The following SLC35F4 variants were observed in gnomAD, a reference collection of about 807,000 sequenced individuals.
SLC35F4 encodes the protein solute carrier family 35 member F4.
Under a neutral mutation model 44.2 loss-of-function variants are expected in SLC35F4, and 24 were observed. The ratio of observed to expected loss-of-function variants is 0.54; its 90% confidence interval spans 0.39 to 0.76. SLC35F4 has a LOEUF of 0.76. Ranked by LOEUF, SLC35F4 falls within the 30% of genes least tolerant of loss-of-function variation. The pLI is 0.00. For missense variants in SLC35F4, 562 were observed against 586.1 expected, an observed-to-expected ratio of 0.96 and a Z score of 0.42; for synonymous variants, 238 against 223.6, an observed-to-expected ratio of 1.06 and a Z score of -0.57.
At chr14:57,961,472 C>T (rs541351654) in intron 1 of SLC35F4, among the ~76,000 whole-genome samples, 1 of 152,246 alleles carries the variant, frequency 6.6e-6, no homozygotes. Context: ...TCTTTTCCTC[C>T]CTGCATCCAT....
intron 1 of SLC35F4, among the ~76,000 whole-genome samples, chr14:57,939,587 C>T (rs1031380604): frequency 1.3e-5 from 2 of 152,184 alleles, no homozygotes; most frequent in African/African-American, 4.8e-5. Context: ...AAAGAAATCT[C>T]AGAGCGAGGA....
intron 7 of SLC35F4, among the ~76,000 whole-genome samples, chr14:57,564,829 A>G (rs1218879500): frequency 7.1e-6 from 1 of 141,538 alleles, no homozygotes; most frequent in Non-Finnish European, 1.6e-5. Flanking sequence ...TGCAGCCACC[A>G]CCTCTCTCTG....
At chr14:57,753,274 G>A (rs1199304019) in intron 1 of SLC35F4, among the ~76,000 whole-genome samples, 3 of 152,132 alleles carry the variant, frequency 2.0e-5, no homozygotes, top group African/African-American at 7.2e-5. Flanking sequence ...TCCTCCAAAG[G>A]AGCTGCCATG....
chr14:57,776,994 C>T (rs532875554), intron 1 of SLC35F4, among the ~76,000 whole-genome samples: 5 of 152,202 alleles, frequency 3.3e-5, no homozygotes, highest in African/African-American at 9.6e-5. Context: ...AAAAAACACA[C>T]TTAAGTACAC....
chr14:57,971,323 G>A (rs940157697), intron 1 of SLC35F4, among the ~76,000 whole-genome samples: 2 of 152,156 alleles, frequency 1.3e-5, no homozygotes, highest in African/African-American at 4.8e-5. Flanking sequence ...TTTATAGGTA[G>A]ATTTTAGCTC....
intron 1 of SLC35F4, among the ~76,000 whole-genome samples, chr14:57,836,736 C>CACCGCT (rs1445286772): frequency 1.3e-5 from 2 of 152,108 alleles, no homozygotes; most frequent in Admixed American, 1.3e-4. Flanking sequence ...CCCTAAGCAC[C>CACCGCT]ACCGCTACCT....
chr14:57,877,506 G>A (rs1888423126), intron 1 of SLC35F4, among the ~76,000 whole-genome samples: 2 of 151,946 alleles, frequency 1.3e-5, no homozygotes, highest in African/African-American at 2.4e-5. Context: ...ATTCTCTTGG[G>A]TATATACCCA....
At chr14:57,979,388 G>A (rs1462102355) in intron 1 of SLC35F4, among the ~76,000 whole-genome samples, 1 of 152,110 alleles carries the variant, frequency 6.6e-6, no homozygotes, top group African/African-American at 2.4e-5. Flanking sequence ...GGACTATATT[G>A]AACACTTCGT....
intron 1 of SLC35F4, among the ~76,000 whole-genome samples, chr14:57,804,852 T>G (rs543277155): frequency 1.3e-5 from 2 of 151,762 alleles, no homozygotes; most frequent in Admixed American, 1.3e-4. Flanking sequence ...TGGGAGAAAA[T>G]TTTTGCAATA....
chr14:57,581,246 T>C lies in SLC35F4; in HGVS notation c.775A>G (p.Ile259Val). The change falls in exon 4 of 8, where the codon ATT (isoleucine) becomes GTT (valine). Residue 259 changes from isoleucine (I) to valine (V), a missense_variant. Ile to Val is a conservative substitution (Grantham distance 29). Transcript: ENST00000556826. ...NKAFVFLLSW[I>V]VLKDRFMGVR... is the part of the protein sequence containing the mutation. ...CCCATGAACCTGTCTTTCAGCACAA[T>C]CCATGACAGCAAGAAGACAAAGGCT... 6.2e-7 allele frequency: 1 copy of C among 1,604,686 alleles called. No individual in the cohort carries two copies. Among genetic ancestry groups the C allele is most frequent in the South Asian group, 1.1e-5 (1 of 89,218 alleles).
rs149031304 is a variant in SLC35F4, at chr14:57,953,072, A to G, written n.282+28841T>C. Among the ~76,000 whole-genome samples the G allele has an allele frequency of 5.8e-4, 89 of 152,364 alleles. No homozygotes were observed. In the East Asian group the frequency reaches 0.017, roughly 28 times the overall value. ...GGCTACCCAGAAAGGGAAGCTCATC[A>G]GACTAATAGTGGATCTCTCTGCAGA... is the stretch of plus-strand genomic sequence containing the variant. On this transcript the variant is annotated intron_variant and non_coding_transcript_variant, in intron 1 of 1. Coordinates refer to the SLC35F4 transcript ENST00000556568.
At chr14:57,831,772 A>G (rs1358612612) in intron 1 of SLC35F4, among the ~76,000 whole-genome samples, 1 of 152,166 alleles carries the variant, frequency 6.6e-6, no homozygotes, top group East Asian at 1.9e-4. Context: ...AACAGAAGAA[A>G]CATTAACTTT....
In SLC35F4 at chr14:57,762,970, A is replaced by G. The variant is rs185581963; in HGVS notation, c.103+102753T>C. On this transcript the variant is annotated intron_variant, in intron 1 of 7. Transcript: ENST00000556826. ...TACAAGTAATGTTTATCTAAAAGAA[A>G]AGAGAGCCCCAACACTGTAGTTTTA... 3.3e-3 allele frequency among the ~76,000 whole-genome samples: 497 copies of G among 152,302 alleles called. 5 individuals carry two copies. Among genetic ancestry groups the G allele is most frequent in the Non-Finnish European group, 5.4e-3 (369 of 67,998 alleles).
At chr14:57,885,835 C>T (rs1888633988) in intron 1 of SLC35F4, among the ~76,000 whole-genome samples, 1 of 152,166 alleles carries the variant, frequency 6.6e-6, no homozygotes, top group Non-Finnish European at 1.5e-5. Flanking sequence ...TCAGTGAATC[C>T]TTCCCTGACC....
intron 1 of SLC35F4, among the ~76,000 whole-genome samples, chr14:57,790,231 T>C (rs1029751254): frequency 2.0e-5 from 3 of 152,214 alleles, no homozygotes; most frequent in African/African-American, 7.2e-5. Flanking sequence ...CATGATAGTA[T>C]ATTTAGAAAA....
Position 57,863,134 on chromosome 14 carries a change from T to A in SLC35F4, c.103+2589A>T, listed in dbSNP as rs111658073. 1.5e-3 allele frequency among the ~76,000 whole-genome samples: 227 copies of A among 152,376 alleles called. 2 individuals are homozygous for A. The highest frequency in any genetic ancestry group is 0.013 in the East Asian group (68 of 5,188). On this transcript the variant is annotated intron_variant, in intron 1 of 7. Transcript: ENST00000556826. Reference sequence around the variant, plus strand: ...CTCCTGCCTTGGCCTCCCAAAGTGCTAGGATTACAGACATGAGCCACTGCA... The same window carrying A: ...CTCCTGCCTTGGCCTCCCAAAGTGCAAGGATTACAGACATGAGCCACTGCA...
At chr14:57,832,012 A>C (rs1884424385) in intron 1 of SLC35F4, among the ~76,000 whole-genome samples, 1 of 152,224 alleles carries the variant, frequency 6.6e-6, no homozygotes, top group Non-Finnish European at 1.5e-5. Context: ...AATCCCTCAC[A>C]AATGACTCAG....
At chr14:57,949,957 G>A (rs1234396054) in intron 1 of SLC35F4, among the ~76,000 whole-genome samples, 1 of 152,108 alleles carries the variant, frequency 6.6e-6, no homozygotes, top group Non-Finnish European at 1.5e-5. Context: ...CAGGTCTTAA[G>A]ATTCTTTCCT....
intron 1 of SLC35F4, among the ~76,000 whole-genome samples, chr14:57,849,724 A>G (rs564597909): frequency 6.6e-6 from 1 of 152,372 alleles, no homozygotes; most frequent in South Asian, 2.1e-4. Context: ...GGGATAGAAA[A>G]CAGGAGAGAA....
Sources: allele counts gnomAD v4.1 joint callset (sites outside exome capture counted in the v4.1 genomes callset), GRCh38; gene constraint gnomAD v4.1.1; transcripts MANE v1.5; gene names NCBI Gene and HGNC (gene_info 2026-07-23, HGNC 2026-07-21).